FSTL5: variants seen among roughly 807,000 people sequenced by gnomAD.
The protein encoded by FSTL5 is follistatin-related protein 5.
In FSTL5, 62 loss-of-function variants were observed where a neutral mutation model predicts 89.1. The ratio of observed to expected loss-of-function variants is 0.70; its 90% CI spans 0.57 to 0.86. The LOEUF (loss-of-function observed/expected upper bound fraction) is 0.86, where lower values mean the gene tolerates loss of function less well. Ranked by LOEUF, FSTL5 falls within the 40% of genes least tolerant of loss-of-function variation. The pLI is 0.00. For missense variants in FSTL5, 1,057 were observed against 1,001.6 expected (o/e 1.06, Z -0.75); for synonymous variants, 383 against 346.2 (o/e 1.11, Z -1.18).
At chr4:161,611,241 T>G (rs906028165) in intron 7 of FSTL5, among the ~76,000 whole-genome samples, 1 of 49,912 alleles carries the variant, frequency 2.0e-5, no homozygotes, top group African/African-American at 6.8e-5. Flanking sequence ...CATATATATA[T>G]ATATATATAT....
chr4:161,791,959 C>T lies in FSTL5; in HGVS notation c.410-15885G>A, dbSNP rs148181497. 4.9e-3 allele frequency among the ~76,000 whole-genome samples: 751 copies of T among 152,306 alleles called. 10 individuals carry two copies. The highest frequency in any genetic ancestry group is 0.017 in the Middle Eastern group (5 of 292). On this transcript the variant is annotated intron_variant, in intron 4 of 15. Coordinates refer to ENST00000306100, the MANE Select transcript of FSTL5 (RefSeq NM_020116.5). The stretch of plus-strand genomic sequence containing the variant: ...AGTGGGAGCTGGGAACAGGCAGGAA[C>T]CAGGGCCCTTCCAAGATGGCCGGTT...
At chr4:162,145,924 T>C (rs897199479) in intron 1 of FSTL5, among the ~76,000 whole-genome samples, 107 of 152,262 alleles carry the variant, frequency 7.0e-4, no homozygotes, top group African/African-American at 2.5e-3. Flanking sequence ...TTTGTTTAAG[T>C]GGGAATGTTT....
intron 2 of FSTL5, among the ~76,000 whole-genome samples, chr4:162,073,411 A>C (rs187009332): frequency 6.6e-6 from 1 of 151,752 alleles, no homozygotes; most frequent in Admixed American, 6.6e-5. Context: ...ACACCACAGT[A>C]AAGTTTTTTA....
chr4:161,706,631 A>C (rs753397259), intron 6 of FSTL5, among the ~76,000 whole-genome samples: 3 of 152,044 alleles, frequency 2.0e-5, no homozygotes, highest in Non-Finnish European at 2.9e-5. Flanking sequence ...TTCTTCCTTT[A>C]AATGTATGTC....
At chr4:161,608,346 CG>C (rs1421334433) in intron 7 of FSTL5, among the ~76,000 whole-genome samples, 3 of 152,040 alleles carry the variant, frequency 2.0e-5, no homozygotes, top group African/African-American at 7.2e-5. Context: ...CAGTTCACCT[CG>C]GTACCAATGG....
chr4:161,627,968 G>T (rs537254207), intron 7 of FSTL5, among the ~76,000 whole-genome samples: 7 of 152,012 alleles, frequency 4.6e-5, no homozygotes, highest in African/African-American at 1.7e-4. Flanking sequence ...ACACACAAAA[G>T]AATTAGCCAT....
In FSTL5 at chr4:161,933,409, C is replaced by T. The variant is rs1734345761; in HGVS notation, c.161-12757G>A. On this transcript the variant is annotated intron_variant, in intron 3 of 15. Transcript: ENST00000306100. ...AATCACCTAAGCACTGAAAAAGATACTAAGATACATGTCATGTGCTTAGGT... is the reference window on the plus strand; with the variant it reads ...AATCACCTAAGCACTGAAAAAGATATTAAGATACATGTCATGTGCTTAGGT... Among the ~76,000 whole-genome samples, 2 of 152,000 alleles carry T rather than the reference C, an allele frequency of 1.3e-5. 1 individual carries two copies. The highest frequency in any genetic ancestry group is 1.3e-4 in the Admixed American group (2 of 15,228).
intron 7 of FSTL5, among the ~76,000 whole-genome samples, chr4:161,645,170 C>T (rs1736109338): frequency 6.7e-6 from 1 of 149,712 alleles, no homozygotes; most frequent in Admixed American, 6.7e-5. Flanking sequence ...AAAGATAATG[C>T]CAAAAAAAAA....
At chr4:161,832,338 T>C (rs367902845) in intron 4 of FSTL5, among the ~76,000 whole-genome samples, 7 of 152,096 alleles carry the variant, frequency 4.6e-5, no homozygotes, top group East Asian at 3.9e-4. Context: ...TGGAGTTCAT[T>C]ATAAGTAAGA....
intron 10 of FSTL5, among the ~76,000 whole-genome samples, chr4:161,526,351 T>A (rs998826423): frequency 1.3e-5 from 2 of 152,188 alleles, no homozygotes; most frequent in South Asian, 4.1e-4. Flanking sequence ...ATTTCACTAT[T>A]GTAGAATGTT....
At chr4:161,808,131 G>C (rs1274112313) in intron 4 of FSTL5, among the ~76,000 whole-genome samples, 2 of 152,116 alleles carry the variant, frequency 1.3e-5, no homozygotes, top group East Asian at 3.9e-4. Flanking sequence ...GAAACCAAGT[G>C]ATATAGTTTT....
At chr4:162,043,427 A>G (rs1320589202) in intron 2 of FSTL5, 1 of 152,170 alleles carries the variant, frequency 6.6e-6, no homozygotes, top group Admixed American at 6.5e-5. Flanking sequence ...TTTAATCAAA[A>G]GTACTTTATT....
chr4:161,901,964 T>C (rs1034278953), intron 4 of FSTL5, among the ~76,000 whole-genome samples: 1 of 151,984 alleles, frequency 6.6e-6, no homozygotes, highest in African/African-American at 2.4e-5. Context: ...ACAAAAAGAA[T>C]GGGTTTATAA....
At chr4:161,708,595 C>A (rs1195444408) in intron 6 of FSTL5, among the ~76,000 whole-genome samples, 1 of 151,812 alleles carries the variant, frequency 6.6e-6, no homozygotes, top group Non-Finnish European at 1.5e-5. Context: ...AAATTAAAGT[C>A]ATTTATATAA....
In FSTL5 at chr4:162,071,052, T is replaced by C. The variant is rs571947904; in HGVS notation, c.127-37394A>G. 2.7e-4 allele frequency among the ~76,000 whole-genome samples: 41 copies of C among 151,310 alleles called. No homozygotes were observed. In the South Asian group the frequency reaches 6.2e-3, roughly 23 times the overall value. ...ATAGAAATCCATCAACCCACAAAAA[T>C]AAATTAAAAGAGAGAAACAAAGGCT... On this transcript the variant is annotated intron_variant, in intron 2 of 15. Coordinates refer to ENST00000306100, the MANE Select transcript of FSTL5 (RefSeq NM_020116.5).
chr4:162,085,357 T>C (rs1381226524), intron 2 of FSTL5, among the ~76,000 whole-genome samples: 4 of 152,094 alleles, frequency 2.6e-5, no homozygotes, highest in Non-Finnish European at 1.5e-5. Context: ...CAAATATAAA[T>C]TCTTTAAATC....
At chr4:162,054,070 A>G (rs1165518333) in intron 2 of FSTL5, among the ~76,000 whole-genome samples, 1 of 151,892 alleles carries the variant, frequency 6.6e-6, no homozygotes, top group Non-Finnish European at 1.5e-5. Context: ...AAATGAATGC[A>G]CTGATACACA....
At chr4:161,420,564 G>A (rs1333302300) in intron 15 of FSTL5, among the ~76,000 whole-genome samples, 1 of 151,788 alleles carries the variant, frequency 6.6e-6, no homozygotes, top group African/African-American at 2.4e-5. Context: ...CAGTATTTGA[G>A]TTAAAGAATA....
chr4:161,538,169 T>G lies in FSTL5; in HGVS notation c.1309A>C (p.Thr437Pro), dbSNP rs1288803995. 7.4e-6 allele frequency: 12 copies of G among 1,613,764 alleles called. No individual in the cohort carries two copies. The highest frequency in any genetic ancestry group is 5.1e-6 in the Non-Finnish European group (6 of 1,179,898). ...SLFVEDSARK[T>P]LANILWREEG... Reference sequence around the variant, plus strand: ...TGTTGGGTGGTTCTATACATACGGGTCTTTCTAGCAGAGTCTTCCACAAAA... The same window carrying G: ...TGTTGGGTGGTTCTATACATACGGGGCTTTCTAGCAGAGTCTTCCACAAAA... Residue 437 changes from threonine (T) to proline (P), a missense_variant, in exon 10 of 16, where the codon ACC (threonine) becomes CCC (proline). This residue lies in a region of FSTL5 where 980 missense variants were observed against 903.2 expected (regional missense o/e 1.08). Transcript: ENST00000306100.
Sources: gnomAD v4.1 joint callset for allele counts (sites outside exome capture counted in the v4.1 genomes callset) on GRCh38, gnomAD v4.1.1 for gene constraint, gnomAD v4.1.1 regional missense constraint, MANE v1.5 for transcripts, NCBI Gene and HGNC (gene_info 2026-07-23, HGNC 2026-07-21) for gene names.